Variants in JAK2 observed in about 807,000 individuals in gnomAD.
JAK2 encodes tyrosine-protein kinase JAK2.
Under a neutral mutation model 139.3 loss-of-function variants are expected in JAK2, and 86 were observed. That is an observed-to-expected ratio of 0.62 (90% CI 0.52 to 0.74). The LOEUF (loss-of-function observed/expected upper bound fraction) is 0.74. Ranked by LOEUF, JAK2 falls within the 30% of genes least tolerant of loss-of-function variation. The pLI is 0.00. For missense variants in JAK2, 1,421 were observed against 1,360.3 expected (o/e 1.04, Z -0.70); for synonymous variants, 490 against 437.7 (o/e 1.12, Z -1.49).
chr9:5,119,301 G>A (rs1225887635), intron 22 of JAK2, among the ~76,000 whole-genome samples: 2 of 151,936 alleles, frequency 1.3e-5, no homozygotes, highest in South Asian at 4.2e-4. Flanking sequence ...CAAATGCATG[G>A]AGGTATGTTT....
chr9:5,120,906 G>A (rs1389148166), intron 22 of JAK2, among the ~76,000 whole-genome samples: 7 of 152,110 alleles, frequency 4.6e-5, no homozygotes, highest in Non-Finnish European at 7.4e-5. Flanking sequence ...GAAAGAGGAT[G>A]GAATTCTGTT....
At chr9:5,074,028 G>C (rs959614587) in intron 14 of JAK2, among the ~76,000 whole-genome samples, 1 of 152,136 alleles carries the variant, frequency 6.6e-6, no homozygotes, top group Non-Finnish European at 1.5e-5. Context: ...GTAAACAAAT[G>C]TCTATAAAAC....
intron 12 of JAK2, among the ~76,000 whole-genome samples, chr9:5,071,396 A>G (rs1586738268): frequency 6.6e-6 from 1 of 152,332 alleles, no homozygotes; most frequent in South Asian, 2.1e-4. Context: ...CAGACTATAA[A>G]ATACATATAC....
intron 19 of JAK2, among the ~76,000 whole-genome samples, chr9:5,088,066 G>A (rs1403491622): frequency 6.6e-6 from 1 of 152,098 alleles, no homozygotes; most frequent in African/African-American, 2.4e-5. Context: ...AATGTGTTTT[G>A]GAATAATTTC....
At chr9:4,989,649 C>A (rs1278561557) in intron 2 of JAK2, among the ~76,000 whole-genome samples, 1 of 152,070 alleles carries the variant, frequency 6.6e-6, no homozygotes, top group Non-Finnish European at 1.5e-5. Flanking sequence ...TATAATTGGG[C>A]AGATAAGCTA....
intron 3 of JAK2, among the ~76,000 whole-genome samples, chr9:5,027,824 G>A (rs1822877860): frequency 6.6e-6 from 1 of 152,164 alleles, no homozygotes; most frequent in Non-Finnish European, 1.5e-5. Flanking sequence ...ATATGTCCAA[G>A]TTTTATCGTG....
At chr9:5,065,166 G>C (rs1456146437) in intron 9 of JAK2, 126 bp downstream of exon 9, 2 of 510,962 alleles carry the variant, frequency 3.9e-6, no homozygotes, top group African/African-American at 3.9e-5. Context: ...TTAAACAAAA[G>C]GCTATTTGCA....
chr9:5,058,695 C>T (rs1192065966), intron 8 of JAK2, among the ~76,000 whole-genome samples: 1 of 152,174 alleles, frequency 6.6e-6, no homozygotes, highest in Non-Finnish European at 1.5e-5. Context: ...ACATGCTCAT[C>T]AAAACTTGTT....
At chr9:5,073,593 C>A in intron 13 of JAK2, 105 bp from the exon 14 acceptor site, 1 of 839,330 alleles carries the variant, frequency 1.2e-6, no homozygotes, top group Non-Finnish European at 2.0e-6. Flanking sequence ...TATAGTCATG[C>A]TGAAAGTAGG....
chr9:5,089,738 T>A lies in JAK2; in HGVS notation c.2636T>A (p.Val879Asp). 1 of 1,582,408 alleles carries A rather than the reference T, an allele frequency of 6.3e-7. No homozygotes were observed. The highest frequency in any genetic ancestry group is 8.6e-7 in the Non-Finnish European group (1 of 1,164,674). ...DPLQDNTGEV[V>D]AVKKLQHSTE... ...CTACAGGACAACACTGGGGAGGTGG[T>A]CGCTGTAAAAAAGCTTCAGCATAGT... Residue 879 changes from valine (V) to aspartate (D), a missense_variant, in exon 20 of 25, where the codon GTC (valine) becomes GAC (aspartate). By Grantham distance (152) the Val-to-Asp change is radical (BLOSUM62 -3). Coordinates refer to ENST00000381652, the MANE Select transcript of JAK2 (RefSeq NM_004972.4).
intron 2 of JAK2, among the ~76,000 whole-genome samples, chr9:5,004,436 T>G (rs1490998315): frequency 3.3e-5 from 5 of 152,204 alleles, no homozygotes; most frequent in African/African-American, 1.2e-4. Flanking sequence ...GTCTTCCAGG[T>G]TCATCCATGT....
At chr9:5,067,984 A>T (rs560230015) in intron 10 of JAK2, among the ~76,000 whole-genome samples, 20 of 152,056 alleles carry the variant, frequency 1.3e-4, no homozygotes, top group African/African-American at 4.6e-4. Context: ...AAATGGTGAA[A>T]CCCTGTCTCT....
chr9:5,082,835 C>T (rs1042614257), intron 19 of JAK2, among the ~76,000 whole-genome samples: 2 of 152,216 alleles, frequency 1.3e-5, no homozygotes, highest in Non-Finnish European at 2.9e-5. Context: ...ACCTTGATTC[C>T]ATACAACACA....
At chr9:5,085,469 C>G (rs541620448) in intron 19 of JAK2, 2 of 727,050 alleles carry the variant, frequency 2.8e-6, no homozygotes, top group East Asian at 2.7e-5. Context: ...AGGTATTGTG[C>G]AAATCTCTCA....
intron 22 of JAK2, chr9:5,112,499 A>G: frequency 1.8e-6 from 1 of 562,136 alleles, no homozygotes; most frequent in Non-Finnish European, 3.2e-6. Flanking sequence ...GACGAGGAGG[A>G]AGATGACCTT....
chr9:5,026,757 A>T lies in JAK2; in HGVS notation c.227-3026A>T, dbSNP rs144725855. Among the ~76,000 whole-genome samples the T allele has an allele frequency of 7.9e-5, 12 of 152,264 alleles. No individual in the cohort carries two copies. In the South Asian group the frequency reaches 2.1e-3, roughly 26 times the overall value. On this transcript the variant is annotated intron_variant, in intron 3 of 24. Transcript: ENST00000381652. ...TGTGTGAATGTTCTATATATGCTTG[A>T]AAATAGCTTGTATTATTTACTTGTG...
intron 23 of JAK2, among the ~76,000 whole-genome samples, chr9:5,124,548 G>C (rs930289026): frequency 6.6e-6 from 1 of 151,512 alleles, no homozygotes; most frequent in African/African-American, 2.4e-5. Context: ...CACAGAATTA[G>C]AAAAAACAAT....
upstream of JAK2, chr9:4,984,653 C>G (rs973639376): frequency 6.6e-6 from 1 of 152,452 alleles, no homozygotes. Context: ...GTCTGCTGTA[C>G]CCGGGAGGTG....
intron 2 of JAK2, among the ~76,000 whole-genome samples, chr9:5,007,527 T>G (rs1016313800): frequency 2.6e-5 from 4 of 152,184 alleles, no homozygotes; most frequent in Admixed American, 6.5e-5. Context: ...TTTTTTTTGT[T>G]GAGGTATTAA....
Sources: allele counts gnomAD v4.1 joint callset (sites outside exome capture counted in the v4.1 genomes callset), GRCh38; gene constraint gnomAD v4.1.1; transcripts MANE v1.5; gene names NCBI Gene and HGNC (gene_info 2026-07-23, HGNC 2026-07-21).